Variants in LNP1 observed in about 807,000 individuals in gnomAD.
LNP1 encodes the protein leukemia NUP98 fusion partner 1.
A neutral mutation model predicts 14.5 loss-of-function variants in LNP1; 12 were observed. That is an observed-to-expected ratio of 0.83 (90% CI 0.53 to 1.34). The LOEUF (loss-of-function observed/expected upper bound fraction) is 1.34. LNP1 is among the 40% of genes most tolerant of loss of function. The pLI, the probability that LNP1 is intolerant of heterozygous loss-of-function variation, is 0.00. For synonymous variants in LNP1, 75 were observed against 71.4 expected, an observed-to-expected ratio of 1.05 and a Z score of -0.26; for missense variants, 198 against 210.9, an observed-to-expected ratio of 0.94 and a Z score of 0.38.
In LNP1 at chr3:100,425,562, G is replaced by A. The variant is rs143618066; in HGVS notation, c.-33-4135G>A. Among the ~76,000 whole-genome samples the A allele has an allele frequency of 3.5e-3, 526 of 152,198 alleles. 7 individuals carry two copies. The highest frequency in any genetic ancestry group is 0.012 in the African/African-American group (498 of 41,536). On this transcript the variant is annotated intron_variant, in intron 1 of 3. Coordinates refer to ENST00000383693, the MANE Select transcript of LNP1 (RefSeq NM_001085451.2). The stretch of plus-strand genomic sequence containing the variant: ...TCTCCTGCATCTCCCCAGGTGCCGG[G>A]TTTTTTTCTTCTTTGCTATTATGCA...
intron 1 of LNP1, among the ~76,000 whole-genome samples, chr3:100,405,475 T>C (rs1706956818): frequency 6.6e-6 from 1 of 152,184 alleles, no homozygotes; most frequent in Non-Finnish European, 1.5e-5. Context: ...TTCTCACAAT[T>C]CCTGAGGATG....
intron 1 of LNP1, among the ~76,000 whole-genome samples, 182 bp from the exon 2 acceptor site, chr3:100,429,515 T>A (rs1333307413): frequency 6.6e-6 from 1 of 152,190 alleles, no homozygotes; most frequent in East Asian, 1.9e-4. Context: ...GCTGCACAAT[T>A]TATAAATAGA....
intron 2 of LNP1, among the ~76,000 whole-genome samples, chr3:100,445,184 A>C (rs1203038790): frequency 6.6e-6 from 1 of 152,158 alleles, no homozygotes; most frequent in Non-Finnish European, 1.5e-5. Flanking sequence ...AGGCAGGAGA[A>C]TTGCTTGAAC....
intron 2 of LNP1, among the ~76,000 whole-genome samples, chr3:100,443,959 T>C (rs1330966605): frequency 6.6e-6 from 1 of 152,242 alleles, no homozygotes; most frequent in Non-Finnish European, 1.5e-5. Flanking sequence ...CTTAAAACTT[T>C]TCTTGACTCT....
In LNP1 at chr3:100,434,673, C is replaced by T. The variant is rs146152166; in HGVS notation, c.156+4788C>T. ...CCTCCTGAGTAGTCAAGACTACAGG[C>T]GTGCACCACCATGCCTGGCTAATTT... On this transcript the variant is annotated intron_variant, in intron 2 of 3. Coordinates refer to ENST00000383693, the MANE Select transcript of LNP1 (RefSeq NM_001085451.2). Among the ~76,000 whole-genome samples, 1,115 of 151,836 alleles carry T rather than the reference C, an allele frequency of 7.3e-3. 18 individuals are homozygous for T. Among genetic ancestry groups the T allele is most frequent in the African/African-American group, 0.025 (1,039 of 41,362 alleles).
intron 3 of LNP1, among the ~76,000 whole-genome samples, chr3:100,452,418 G>C (rs1311459405): frequency 6.6e-6 from 1 of 151,724 alleles, no homozygotes; most frequent in Non-Finnish European, 1.5e-5. Flanking sequence ...TGTTGCCCAG[G>C]CTGGTTTCAA....
chr3:100,411,363 G>A (rs1707030667), intron 1 of LNP1, among the ~76,000 whole-genome samples: 1 of 152,206 alleles, frequency 6.6e-6, no homozygotes, highest in Non-Finnish European at 1.5e-5. Flanking sequence ...GATATTTAAT[G>A]AGACATTGGA....
chr3:100,407,326 A>T (rs762923428), intron 1 of LNP1, among the ~76,000 whole-genome samples: 2 of 152,104 alleles, frequency 1.3e-5, no homozygotes, highest in Non-Finnish European at 2.9e-5. Flanking sequence ...TCTTTATCTC[A>T]TGTTCATTTC....
At chr3:100,451,198 A>G (rs1707434970) in intron 2 of LNP1, among the ~76,000 whole-genome samples, 1 of 152,230 alleles carries the variant, frequency 6.6e-6, no homozygotes, top group Non-Finnish European at 1.5e-5. Context: ...TGCCCCTGAC[A>G]CAGCCTCAGG....
At chr3:100,411,282 G>A (rs1373942566) in intron 1 of LNP1, among the ~76,000 whole-genome samples, 1 of 152,146 alleles carries the variant, frequency 6.6e-6, no homozygotes, top group Non-Finnish European at 1.5e-5. Flanking sequence ...TGGTTTCACA[G>A]GTTCACACCT....
At chr3:100,408,821 G>A (rs1199715644) in intron 1 of LNP1, among the ~76,000 whole-genome samples, 2 of 152,158 alleles carry the variant, frequency 1.3e-5, no homozygotes, top group East Asian at 1.9e-4. Flanking sequence ...GGTCTTGGGG[G>A]AAGGGTGACA....
intron 2 of LNP1, among the ~76,000 whole-genome samples, chr3:100,446,159 AG>A (rs758082894): frequency 5.6e-4 from 85 of 152,328 alleles, no homozygotes; most frequent in Non-Finnish European, 9.4e-4. Flanking sequence ...CTAAGCAAAA[AG>A]AACAAAGCTG....
chr3:100,410,313 T>C (rs1707020150), intron 1 of LNP1, among the ~76,000 whole-genome samples: 1 of 152,172 alleles, frequency 6.6e-6, no homozygotes, highest in African/African-American at 2.4e-5. Flanking sequence ...GAACAGAATA[T>C]TCATTCAAAT....
chr3:100,420,290 T>TTGCC (rs1397369909), intron 1 of LNP1, among the ~76,000 whole-genome samples: 6 of 152,270 alleles, frequency 3.9e-5, no homozygotes, highest in Admixed American at 2.0e-4. Flanking sequence ...TTTCTTTTCT[T>TTGCC]TGCCTGCCTG....
chr3:100,444,037 A>T (rs7434167), intron 2 of LNP1, among the ~76,000 whole-genome samples: 63,271 of 152,002 alleles, frequency 0.42, 13,445 homozygotes, highest in East Asian at 0.59. Flanking sequence ...AGACTTCTAT[A>T]ATTAGTTTAG....
chr3:100,428,531 C>CAAA (rs552434826), intron 1 of LNP1, among the ~76,000 whole-genome samples: 247 of 103,592 alleles, frequency 2.4e-3, no homozygotes, highest in African/African-American at 8.6e-3. Context: ...GACTCCATCT[C>CAAA]AAAAAAAAAA....
Position 100,436,228 on chromosome 3 carries a change from G to A in LNP1, c.156+6343G>A, listed in dbSNP as rs558440901. Among the ~76,000 whole-genome samples, 3 of 152,206 alleles carry A rather than the reference G, an allele frequency of 2.0e-5. No individual in the cohort carries two copies. In the South Asian group the frequency reaches 6.2e-4, roughly 32 times the overall value. The stretch of plus-strand genomic sequence containing the variant: ...CCTGTTTATAATTAGGTATCTTATT[G>A]CCACAAAGGCTTTGTTCTGTCAGTG... On this transcript the variant is annotated intron_variant, in intron 2 of 3. Transcript: ENST00000383693.
chr3:100,431,990 GTTTATATATATATATATATATATA>G lies in LNP1; in HGVS notation c.156+2107_156+2130del, dbSNP rs1451150940. Among the ~76,000 whole-genome samples, 253 of 94,942 alleles carry G rather than the reference GTTTATATATATATATATATATATA, an allele frequency of 2.7e-3. 16 individuals are homozygous for G. The highest frequency in any genetic ancestry group is 8.3e-3 in the African/African-American group (170 of 20,390). The allele number at this position is 94,942 out of a possible 152,430, so 62.3% of individuals were successfully genotyped here. A position where few individuals can be genotyped will look rare whatever the true frequency, so the allele number is the denominator to read the frequency against. ...AACCTGGGTAACAGAATGAGACCTT[GTTTATATATATATATATATATATA>G]TATATATATATATATATATATATAT... On this transcript the variant is annotated intron_variant, in intron 2 of 3. Coordinates refer to ENST00000383693, the MANE Select transcript of LNP1 (RefSeq NM_001085451.2).
intron 1 of LNP1, among the ~76,000 whole-genome samples, chr3:100,426,983 G>A (rs1217887085): frequency 6.6e-6 from 1 of 151,872 alleles, no homozygotes; most frequent in Non-Finnish European, 1.5e-5. Flanking sequence ...TTCATTGCAG[G>A]TTTACTCAAA....
Sources: allele counts gnomAD v4.1 joint callset (sites outside exome capture counted in the v4.1 genomes callset), GRCh38; gene constraint gnomAD v4.1.1; transcripts MANE v1.5; gene names NCBI Gene and HGNC (gene_info 2026-07-23, HGNC 2026-07-21).